Variants in RARB observed in about 807,000 individuals in gnomAD.
RARB encodes the protein HBV-activated protein.
A neutral mutation model predicts 51.9 loss-of-function variants in RARB; 17 were observed. The ratio of observed to expected loss-of-function variants is 0.33; its 90% CI spans 0.22 to 0.49. The LOEUF is 0.49. Among genes scored for constraint, RARB ranks in the 20% least tolerant of loss-of-function variants. The probability of loss-of-function intolerance (pLI) is 0.99; values close to 1 mark genes in which losing one functional copy is unlikely to be tolerated. For missense variants in RARB, 369 were observed against 550.8 expected (o/e 0.67, Z 3.30); for synonymous variants, 215 against 195.4 (o/e 1.10, Z -0.84).
intron 4 of RARB, among the ~76,000 whole-genome samples, chr3:25,164,930 A>G (rs138634967): frequency 1.8e-4 from 28 of 152,202 alleles, no homozygotes; most frequent in African/African-American, 6.0e-4. Flanking sequence ...ACTCAGTAAC[A>G]TATCAGGCTT....
chr3:25,066,681 A>AT (rs200770511), intron 3 of RARB, among the ~76,000 whole-genome samples: 1 of 151,976 alleles, frequency 6.6e-6, no homozygotes, highest in African/African-American at 2.4e-5. Flanking sequence ...AGAACTTTAC[A>AT]TTTTTTTAAA....
chr3:25,559,820 G>T (rs1237193739), intron 3 of RARB, among the ~76,000 whole-genome samples: 7 of 152,052 alleles, frequency 4.6e-5, no homozygotes, highest in Admixed American at 4.6e-4. Flanking sequence ...ATCAATGGAT[G>T]GAAAATGGGA....
At chr3:25,170,928 T>A (rs1251784174) in intron 4 of RARB, among the ~76,000 whole-genome samples, 1 of 152,232 alleles carries the variant, frequency 6.6e-6, no homozygotes, top group African/African-American at 2.4e-5. Flanking sequence ...TGACCAATCA[T>A]GCTACCTCCT....
At chr3:25,359,868 A>G (rs1259413765) in intron 5 of RARB, among the ~76,000 whole-genome samples, 2 of 152,078 alleles carry the variant, frequency 1.3e-5, no homozygotes, top group Non-Finnish European at 2.9e-5. Context: ...GTTCTTTTGC[A>G]TTTGCTGAGG....
chr3:25,342,960 G>A (rs79016453), intron 5 of RARB, among the ~76,000 whole-genome samples: 202 of 151,728 alleles, frequency 1.3e-3, no homozygotes, highest in Non-Finnish European at 2.4e-3. Context: ...GGTTTAAGAG[G>A]GGGGAGGGGA....
intron 5 of RARB, among the ~76,000 whole-genome samples, chr3:25,229,270 C>A (rs934509338): frequency 6.6e-6 from 1 of 151,714 alleles, no homozygotes; most frequent in African/African-American, 2.4e-5. Flanking sequence ...TTTTTTATTC[C>A]TTTTATTCAC....
At chr3:25,057,321 C>T (rs1698461083) in intron 2 of RARB, among the ~76,000 whole-genome samples, 1 of 151,972 alleles carries the variant, frequency 6.6e-6, no homozygotes, top group Admixed American at 6.6e-5. Flanking sequence ...CATTAAGGGA[C>T]TTGTGATTAT....
At chr3:24,860,608 T>G (rs903220723) in intron 2 of RARB, among the ~76,000 whole-genome samples, 2 of 152,034 alleles carry the variant, frequency 1.3e-5, no homozygotes, top group African/African-American at 4.8e-5. Flanking sequence ...ATAAATAATT[T>G]GAGGCATGCT....
intron 3 of RARB, among the ~76,000 whole-genome samples, chr3:25,090,499 A>G (rs1379260699): frequency 6.6e-6 from 1 of 152,256 alleles, no homozygotes; most frequent in East Asian, 1.9e-4. Flanking sequence ...TGCTCTGAAG[A>G]TGTTTAAACC....
intron 5 of RARB, among the ~76,000 whole-genome samples, chr3:25,351,672 A>G (rs895693633): frequency 6.6e-6 from 1 of 152,176 alleles, no homozygotes; most frequent in Non-Finnish European, 1.5e-5. Context: ...TTGAAAAAGC[A>G]TTTTAAATAT....
At chr3:25,178,620 C>CT (rs1700803039) in intron 5 of RARB, among the ~76,000 whole-genome samples, 1 of 152,046 alleles carries the variant, frequency 6.6e-6, no homozygotes, top group South Asian at 2.1e-4. Context: ...CCATGGACAT[C>CT]TTTTTTCCAC....
At chr3:24,895,768 G>A (rs80088938) in intron 2 of RARB, among the ~76,000 whole-genome samples, 2,557 of 152,112 alleles carry the variant, frequency 0.017, 66 homozygotes, top group African/African-American at 0.058. Flanking sequence ...GTGCATTGCT[G>A]GTAGGAATAC....
At chr3:24,909,994 T>A (rs957232363) in intron 2 of RARB, among the ~76,000 whole-genome samples, 3 of 152,210 alleles carry the variant, frequency 2.0e-5, no homozygotes, top group African/African-American at 2.4e-5. Context: ...AGTCTGCTTT[T>A]AATTGTTCTA....
At chr3:24,865,106 A>G (rs1314935046) in intron 2 of RARB, among the ~76,000 whole-genome samples, 1 of 152,158 alleles carries the variant, frequency 6.6e-6, no homozygotes, top group Non-Finnish European at 1.5e-5. Flanking sequence ...GGGTCCCTTC[A>G]TTACCTACAG....
chr3:25,467,212 C>T (rs1204929509), intron 2 of RARB, among the ~76,000 whole-genome samples: 12 of 152,262 alleles, frequency 7.9e-5, no homozygotes, highest in Admixed American at 7.8e-4. Flanking sequence ...GGAGAGGTTT[C>T]TGGAACATAG....
At chr3:25,034,717 C>T (rs1169478204) in intron 2 of RARB, among the ~76,000 whole-genome samples, 1 of 152,042 alleles carries the variant, frequency 6.6e-6, no homozygotes, top group African/African-American at 2.4e-5. Context: ...GTAAAAAACA[C>T]AAGCCTACAT....
intron 3 of RARB, among the ~76,000 whole-genome samples, chr3:25,079,202 T>C (rs1244400131): frequency 6.6e-6 from 1 of 152,218 alleles, no homozygotes; most frequent in Non-Finnish European, 1.5e-5. Flanking sequence ...TATTTGGAAA[T>C]ATAATTTATT....
At chr3:24,892,546 A>T (rs7643830) in intron 2 of RARB, among the ~76,000 whole-genome samples, 1 of 152,178 alleles carries the variant, frequency 6.6e-6, no homozygotes, top group Non-Finnish European at 1.5e-5. Flanking sequence ...GGCTTTTGCA[A>T]ATTTGTCTGT....
At chr3:25,105,350 G>A (rs924505956) in intron 3 of RARB, among the ~76,000 whole-genome samples, 17 of 149,910 alleles carry the variant, frequency 1.1e-4, no homozygotes, top group African/African-American at 4.2e-4. Flanking sequence ...TAAAACGAGT[G>A]CTTTGATAGC....
Sources: gnomAD v4.1 joint callset for allele counts (sites outside exome capture counted in the v4.1 genomes callset) on GRCh38, gnomAD v4.1.1 for gene constraint, MANE v1.5 for transcripts, NCBI Gene and HGNC (gene_info 2026-07-23, HGNC 2026-07-21) for gene names.